Variants in SDK1 observed in about 807,000 individuals in gnomAD.
SDK1 encodes the protein sidekick cell adhesion molecule 1.
Under a neutral mutation model 245.5 loss-of-function variants are expected in SDK1, and 157 were observed. The ratio of observed to expected loss-of-function variants is 0.64; its 90% CI spans 0.56 to 0.73. The LOEUF (loss-of-function observed/expected upper bound fraction) is 0.73, where lower values mean the gene tolerates loss of function less well. Among genes scored for constraint, SDK1 ranks in the 30% least tolerant of loss-of-function variants. SDK1 has a pLI of 0.00. For missense variants in SDK1, 3,583 were observed against 3,002.3 expected, an observed-to-expected ratio of 1.19 and a Z score of -4.52; for synonymous variants, 1,647 against 1,278.5, an observed-to-expected ratio of 1.29 and a Z score of -6.15.
At chr7:4,014,212 G>A (rs1194940378) in intron 16 of SDK1, among the ~76,000 whole-genome samples, 6 of 152,198 alleles carry the variant, frequency 3.9e-5, no homozygotes, top group African/African-American at 9.7e-5. Flanking sequence ...AACCAGGCCC[G>A]GGGCACAGAG....
Position 3,642,119 on chromosome 7 carries a change from A to G in SDK1, c.713+14A>G. The G allele has an allele frequency of 1.2e-6, 2 of 1,613,196 alleles. No individual in the cohort carries two copies. The highest frequency in any genetic ancestry group is 1.1e-5 in the South Asian group (1 of 90,990). ...AAGCAACAGAATGTAAGTTGCTCCA[A>G]ACGTTAAAGCTTCAAATACAATTGT... On this transcript the variant is annotated intron_variant, in intron 4 of 44. Transcript: ENST00000404826.
At chr7:4,119,105 A>G (rs1444275148) in intron 25 of SDK1, among the ~76,000 whole-genome samples, 1 of 148,090 alleles carries the variant, frequency 6.8e-6, no homozygotes, top group Non-Finnish European at 1.5e-5. Flanking sequence ...AAGGCTTTAA[A>G]AAAAAAGCTC....
chr7:3,733,971 C>G (rs966742638), intron 4 of SDK1, among the ~76,000 whole-genome samples: 12 of 152,058 alleles, frequency 7.9e-5, no homozygotes, highest in Non-Finnish European at 1.5e-4. Context: ...CAAAAGGCTC[C>G]CAAGATGATT....
chr7:4,037,745 C>CAA (rs1788325274), intron 17 of SDK1, among the ~76,000 whole-genome samples: 1 of 152,186 alleles, frequency 6.6e-6, no homozygotes, highest in Non-Finnish European at 1.5e-5. Flanking sequence ...CTGATAACAT[C>CAA]ACTTAATGAG....
intron 32 of SDK1, among the ~76,000 whole-genome samples, chr7:4,167,052 G>A (rs575772345): frequency 6.6e-6 from 1 of 152,244 alleles, no homozygotes; most frequent in East Asian, 1.9e-4. Flanking sequence ...ACTTCTTCCT[G>A]CCTCCCCTAC....
chr7:4,242,754 A>C (rs1397892169), intron 43 of SDK1, among the ~76,000 whole-genome samples: 3 of 152,242 alleles, frequency 2.0e-5, no homozygotes, highest in African/African-American at 7.2e-5. Flanking sequence ...ATCCAGACCC[A>C]GACAGACCCC....
At chr7:3,793,470 G>A (rs1189935512) in intron 4 of SDK1, among the ~76,000 whole-genome samples, 2 of 152,162 alleles carry the variant, frequency 1.3e-5, no homozygotes, top group Admixed American at 6.5e-5. Context: ...GTGGCTTTCA[G>A]CTCATGAAAG....
intron 4 of SDK1, among the ~76,000 whole-genome samples, chr7:3,700,601 T>C (rs1019671070): frequency 5.9e-5 from 9 of 152,100 alleles, no homozygotes; most frequent in Non-Finnish European, 1.0e-4. Context: ...CAATAAAATG[T>C]TCAAGTAACA....
intron 5 of SDK1, among the ~76,000 whole-genome samples, chr7:3,902,796 A>G (rs908055394): frequency 3.3e-5 from 5 of 152,186 alleles, no homozygotes; most frequent in African/African-American, 9.7e-5. Flanking sequence ...TATCCTTTCT[A>G]TGTTTTATTG....
At chr7:3,745,084 C>T (rs1038138459) in intron 4 of SDK1, among the ~76,000 whole-genome samples, 1 of 152,094 alleles carries the variant, frequency 6.6e-6, no homozygotes, top group Non-Finnish European at 1.5e-5. Context: ...CAAAACACTC[C>T]AAGTTCCCTG....
intron 1 of SDK1, among the ~76,000 whole-genome samples, chr7:3,602,126 T>C (rs989911072): frequency 6.6e-5 from 10 of 152,098 alleles, no homozygotes; most frequent in South Asian, 2.1e-4. Flanking sequence ...TGAATAGTGC[T>C]ACAATAAACA....
intron 1 of SDK1, among the ~76,000 whole-genome samples, chr7:3,417,568 C>T (rs1365124080): frequency 1.3e-5 from 2 of 152,274 alleles, no homozygotes; most frequent in East Asian, 3.9e-4. Flanking sequence ...TGTACTAAGG[C>T]AAAAATACCC....
At chr7:3,771,862 T>G (rs1362200344) in intron 4 of SDK1, among the ~76,000 whole-genome samples, 1 of 152,210 alleles carries the variant, frequency 6.6e-6, no homozygotes, top group African/African-American at 2.4e-5. Flanking sequence ...TCTCCAGAAC[T>G]CTTTTCATCT....
chr7:3,847,795 A>C (rs1419295546), intron 5 of SDK1, among the ~76,000 whole-genome samples: 3 of 152,242 alleles, frequency 2.0e-5, no homozygotes, highest in African/African-American at 7.2e-5. Flanking sequence ...CATTCTTCTG[A>C]ATGGAGCAAC....
chr7:3,462,992 C>T (rs991657113), intron 1 of SDK1, among the ~76,000 whole-genome samples: 1 of 152,164 alleles, frequency 6.6e-6, no homozygotes, highest in African/African-American at 2.4e-5. Flanking sequence ...TTTGGCAGCT[C>T]CCCCGTGTGT....
At chr7:3,792,826 G>C (rs904230505) in intron 4 of SDK1, among the ~76,000 whole-genome samples, 2 of 152,090 alleles carry the variant, frequency 1.3e-5, no homozygotes, top group Admixed American at 6.6e-5. Context: ...TCTTGAGCTT[G>C]TTGACTTAAC....
At chr7:3,879,134 G>A (rs886965998) in intron 5 of SDK1, among the ~76,000 whole-genome samples, 2 of 150,836 alleles carry the variant, frequency 1.3e-5, no homozygotes, top group South Asian at 2.1e-4. Context: ...TTCTGTGTGC[G>A]GTAACTTGCA....
At chr7:3,779,085 A>G (rs1780647531) in intron 4 of SDK1, among the ~76,000 whole-genome samples, 1 of 152,160 alleles carries the variant, frequency 6.6e-6, no homozygotes, top group South Asian at 2.1e-4. Flanking sequence ...CTTTTTTATC[A>G]TTTGGCTAAG....
intron 22 of SDK1, among the ~76,000 whole-genome samples, chr7:4,084,268 C>G (rs1330254019): frequency 6.6e-6 from 1 of 152,184 alleles, no homozygotes; most frequent in African/African-American, 2.4e-5. Context: ...CTTTCTTTTT[C>G]TGTCTTGTGA....
Sources: gnomAD v4.1 joint callset for allele counts (sites outside exome capture counted in the v4.1 genomes callset) on GRCh38, gnomAD v4.1.1 for gene constraint, MANE v1.5 for transcripts, NCBI Gene and HGNC (gene_info 2026-07-23, HGNC 2026-07-21) for gene names.